WDR33: variants seen among roughly 807,000 people sequenced by gnomAD.
WDR33 encodes pre-mRNA 3' end processing protein WDR33.
In WDR33, 47 loss-of-function variants were observed where a neutral mutation model predicts 164.9. The ratio of observed to expected loss-of-function variants is 0.29; its 90% confidence interval spans 0.23 to 0.36. The LOEUF (loss-of-function observed/expected upper bound fraction) is 0.36. Among genes scored for constraint, WDR33 ranks in the 10% least tolerant of loss-of-function variants. The probability of loss-of-function intolerance (pLI) is 1.00; values close to 1 mark genes in which losing one functional copy is unlikely to be tolerated. For synonymous variants in WDR33, 505 were observed against 589.0 expected (o/e 0.86, Z 2.06); for missense variants, 1,137 against 1,754.1 (o/e 0.65, Z 6.28).
At position 127,722,709 on chromosome 2, in the gene WDR33, A is replaced by T; in HGVS notation, c.1400T>A (p.Ile467Asn). 6.2e-7 allele frequency: 1 copy of T among 1,613,998 alleles called. No homozygotes were observed. Among genetic ancestry groups the T allele is most frequent in the South Asian group, 1.1e-5 (1 of 91,018 alleles). ...EQMGKDESNE[I>N]EMTIPGLDWG... ...ATCTAAACCTGGAATTGTCATTTCA[A>T]TTTCATTTGATTCATCTTTCCCTGT... Residue 467 changes from isoleucine (I) to asparagine (N), a missense_variant, in exon 14 of 22, where the codon ATT becomes AAT. Physicochemically the swap from Ile to Asn is moderately radical, Grantham distance 149. This residue lies in a region of WDR33 where 75 missense variants were observed against 124.7 expected (regional missense o/e 0.60). Transcript: ENST00000322313. This position sits in a 1 kb window ranked among gnomAD's most constrained non-coding sequence, Gnocchi z 5.1.
chr2:127,707,461 G>A (rs543029658), intron 21 of WDR33, among the ~76,000 whole-genome samples: 3 of 152,150 alleles, frequency 2.0e-5, no homozygotes, highest in African/African-American at 7.2e-5. Flanking sequence ...CTTAGAAAGT[G>A]CAGCTTCAAC....
chr2:127,790,714 G>A lies in WDR33; in HGVS notation c.-23-19710C>T, dbSNP rs550080241. Among the ~76,000 whole-genome samples the A allele has an allele frequency of 1.1e-4, 16 of 151,524 alleles. No individual in the cohort carries two copies. In the South Asian group the frequency reaches 1.9e-3, roughly 18 times the overall value. ...CAGCCTCGAACTCCTGGGCTCAAGC[G>A]ATCCTCCTGTCTCAGCCTCCCAAGT... On this transcript the variant is annotated intron_variant, in intron 1 of 21. Coordinates refer to ENST00000322313, the MANE Select transcript of WDR33 (RefSeq NM_018383.5).
chr2:127,755,591 C>T (rs1438123516), intron 7 of WDR33, among the ~76,000 whole-genome samples: 2 of 152,202 alleles, frequency 1.3e-5, no homozygotes, highest in Non-Finnish European at 2.9e-5. Flanking sequence ...TCCAAGCCTG[C>T]GCGTGCATGC....
At position 127,764,543 on chromosome 2, in the gene WDR33, G is replaced by A. The variant is rs1257512392; in HGVS notation, c.626+285C>T. 9.7e-6 allele frequency: 15 copies of A among 1,545,474 alleles called. No homozygotes were observed. Among genetic ancestry groups the A allele is most frequent in the African/African-American group, 2.8e-5 (2 of 72,402 alleles). On this transcript the variant is annotated intron_variant, in intron 6 of 21. Coordinates refer to ENST00000322313, the MANE Select transcript of WDR33 (RefSeq NM_018383.5). This position sits in a 1 kb window ranked among gnomAD's most constrained non-coding sequence, Gnocchi z 6.2. Reference sequence around the variant, plus strand: ...ACAGTAGATAATAAAAAGGAATAACGTATACACATTATTAATCATAAATGA... The same window carrying A: ...ACAGTAGATAATAAAAAGGAATAACATATACACATTATTAATCATAAATGA...
At position 127,798,887 on chromosome 2, in the gene WDR33, GCTTT is replaced by G. The variant is rs557786243; in HGVS notation, c.-24+12121_-24+12124del. 1.4e-3 allele frequency: 216 copies of G among 151,568 alleles called. 1 individual carries two copies. Among genetic ancestry groups the G allele is most frequent in the African/African-American group, 4.9e-3 (202 of 41,300 alleles). 9.4% of individuals were successfully genotyped at this position (151,568 alleles called of 1,614,324 possible). On this transcript the variant is annotated intron_variant, in intron 1 of 21. Transcript: ENST00000322313. The stretch of plus-strand genomic sequence containing the variant: ...TATTAGACCAAAACTAAAGCTTATA[GCTTT>G]CTTTTTTTTTTTTTAAGCCAGTCAA...
intron 7 of WDR33, among the ~76,000 whole-genome samples, chr2:127,727,907 G>C (rs763744594): frequency 6.6e-6 from 1 of 152,270 alleles, no homozygotes; most frequent in Middle Eastern, 3.4e-3. Context: ...AAGAAGAGAC[G>C]GGGTAGAGGC....
intron 1 of WDR33, among the ~76,000 whole-genome samples, chr2:127,808,246 T>C (rs1004239424): frequency 6.6e-6 from 1 of 152,246 alleles, no homozygotes; most frequent in Non-Finnish European, 1.5e-5. Context: ...TTAGGTTTTA[T>C]AGTTAACATT....
At chr2:127,798,581 G>C (rs926986011) in intron 1 of WDR33, among the ~76,000 whole-genome samples, 1 of 151,850 alleles carries the variant, frequency 6.6e-6, no homozygotes, top group East Asian at 1.9e-4. Context: ...TATCTACACA[G>C]ACCTAAAAGC....
At position 127,701,451 on chromosome 2, in the gene WDR33, C is replaced by T. The variant is rs981950589; in HGVS notation, c.*4872G>A. ...CCTTTCGCCGTCGCCGACCAATTGC[C>T]GCCCGAAGACCGAACCGCTTCAGCG... On this transcript the variant is annotated 3_prime_UTR_variant, in exon 22 of 22. Coordinates refer to ENST00000322313, the MANE Select transcript of WDR33 (RefSeq NM_018383.5). 1.6e-6 allele frequency: 2 copies of T among 1,220,614 alleles called. No homozygotes were observed. Among genetic ancestry groups the T allele is most frequent in the Non-Finnish European group, 2.1e-6 (2 of 975,160 alleles). 75.6% of individuals were successfully genotyped at this position (1,220,614 alleles called of 1,614,324 possible). A position where few individuals can be genotyped will look rare whatever the true frequency, so the allele number is the denominator to read the frequency against.
Position 127,710,928 on chromosome 2 carries a change from C to A in WDR33, c.3309-1072G>T, listed in dbSNP as rs35643812. Among the ~76,000 whole-genome samples the A allele has an allele frequency of 0.13, 20,093 of 152,268 alleles. 1,445 individuals carry two copies. The highest frequency in any genetic ancestry group is 0.25 in the South Asian group (1,206 of 4,820). ...CCTTCTTAATATTTTGCCACACGTG[C>A]TTTATCTTCTCCGTCCAGCTACTCA... On this transcript the variant is annotated intron_variant, in intron 18 of 21. Transcript: ENST00000322313. The surrounding 1 kb of genome is among the most constrained non-coding windows in gnomAD (Gnocchi z 4.4).
At position 127,702,435 on chromosome 2, in the gene WDR33, A is replaced by G. The variant is rs139261767; in HGVS notation, c.*3888T>C. ...ATTTTGTCATTGAACTGGTGACAGGATGTGAGACGGTTATTAGAAGTTGCT... is the reference window on the plus strand; with the variant it reads ...ATTTTGTCATTGAACTGGTGACAGGGTGTGAGACGGTTATTAGAAGTTGCT... On this transcript the variant is annotated 3_prime_UTR_variant, in exon 22 of 22. Coordinates refer to ENST00000322313, the MANE Select transcript of WDR33 (RefSeq NM_018383.5). 8.6e-3 allele frequency: 2,334 copies of G among 272,938 alleles called. 53 individuals are homozygous for G. The highest frequency in any genetic ancestry group is 0.047 in the African/African-American group (2,105 of 44,488). The allele number at this position is 272,938 out of a possible 1,614,324, so 16.9% of individuals were successfully genotyped here. A position where few individuals can be genotyped will look rare whatever the true frequency, so the allele number is the denominator to read the frequency against.
chr2:127,729,772 G>A (rs1460746314), intron 7 of WDR33, among the ~76,000 whole-genome samples: 1 of 152,188 alleles, frequency 6.6e-6, no homozygotes, highest in African/African-American at 2.4e-5. Context: ...TGGGATTACA[G>A]GCGTGAGCCA....
chr2:127,728,925 A>C (rs1285105669), intron 7 of WDR33, among the ~76,000 whole-genome samples: 1 of 152,230 alleles, frequency 6.6e-6, no homozygotes, highest in Non-Finnish European at 1.5e-5. Flanking sequence ...ATGTTTAAAG[A>C]AGCATACGTA....
Position 127,706,667 on chromosome 2 carries a change from G to T in WDR33, c.3782-115C>A. The T allele has an allele frequency of 1.1e-6, 1 of 888,116 alleles. No individual in the cohort carries two copies. Among genetic ancestry groups the T allele is most frequent in the South Asian group, 1.8e-5 (1 of 56,770 alleles). The allele number at this position is 888,116 out of a possible 1,614,324, so 55.0% of individuals were successfully genotyped here. On this transcript the variant is annotated intron_variant, in intron 21 of 21. Transcript: ENST00000322313. This position sits in a 1 kb window ranked among gnomAD's most constrained non-coding sequence, Gnocchi z 5.1. ...TGGACCAGTTCTGGTGGGTGCCAGG[G>T]AGACTGGCAGTGGTATTCAGCGTAC... is the stretch of plus-strand genomic sequence containing the variant.
chr2:127,782,592 G>A (rs190358581), intron 1 of WDR33, among the ~76,000 whole-genome samples: 11 of 152,246 alleles, frequency 7.2e-5, no homozygotes, highest in Admixed American at 1.3e-4. Context: ...GGATTCAACC[G>A]AGGAAGAAAA....
intron 7 of WDR33, among the ~76,000 whole-genome samples, chr2:127,750,979 A>T (rs1463579502): frequency 7.9e-5 from 12 of 151,874 alleles, no homozygotes; most frequent in African/African-American, 2.7e-4. Context: ...TTGTTTTAAT[A>T]AACATTTCCA....
Position 127,702,572 on chromosome 2 carries a change from G to A in WDR33, c.*3751C>T, listed in dbSNP as rs1325454430. The A allele has an allele frequency of 2.4e-5, 4 of 169,126 alleles. No individual in the cohort carries two copies. The highest frequency in any genetic ancestry group is 9.6e-5 in the African/African-American group (4 of 41,574). The allele number at this position is 169,126 out of a possible 1,614,324, so 10.5% of individuals were successfully genotyped here. On this transcript the variant is annotated 3_prime_UTR_variant, in exon 22 of 22. Transcript: ENST00000322313. ...TGTTTTGTCATTTTAAAATCCAGTG[G>A]TAGATGTAGCTTAGCGACGGTAGTT...
At chr2:127,731,974 G>A (rs1462103757) in intron 7 of WDR33, among the ~76,000 whole-genome samples, 2 of 152,092 alleles carry the variant, frequency 1.3e-5, no homozygotes, top group Non-Finnish European at 2.9e-5. Flanking sequence ...CATGCTCCCA[G>A]CTTCTCAGGA....
rs1277879119 is a variant in WDR33, at chr2:127,722,734, T to C, written c.1379-4A>G. On this transcript the variant is annotated splice_polypyrimidine_tract_variant and splice_region_variant and intron_variant, in intron 13 of 21. Coordinates refer to ENST00000322313, the MANE Select transcript of WDR33 (RefSeq NM_018383.5). The surrounding 1 kb of genome is among the most constrained non-coding windows in gnomAD (Gnocchi z 5.1). The stretch of plus-strand genomic sequence containing the variant: ...ATTTCATTTGATTCATCTTTCCCTG[T>C]AACCGTAAAGAAAAGTGGTTTGCCT... The C allele has an allele frequency of 3.1e-6, 5 of 1,613,382 alleles. No homozygotes were observed. Among genetic ancestry groups the C allele is most frequent in the Non-Finnish European group, 4.2e-6 (5 of 1,179,756 alleles).
Sources: allele counts gnomAD v4.1 joint callset (sites outside exome capture counted in the v4.1 genomes callset), GRCh38; gene constraint gnomAD v4.1.1; regional missense constraint gnomAD v4.1.1; non-coding constraint Gnocchi (gnomAD v3.1); transcripts MANE v1.5; gene names NCBI Gene and HGNC (gene_info 2026-07-23, HGNC 2026-07-21).